RTN4RL1: variants seen among roughly 807,000 people sequenced by gnomAD.
The protein encoded by RTN4RL1 is reticulon 4 receptor like 1, also known as reticulon-4 receptor-like 1.
In RTN4RL1, 7 loss-of-function variants were observed where a neutral mutation model predicts 25.6. That is an observed-to-expected ratio of 0.27 (90% CI 0.16 to 0.51). RTN4RL1 has a LOEUF of 0.51. Ranked by LOEUF, RTN4RL1 falls within the 20% of genes least tolerant of loss-of-function variation. RTN4RL1 has a pLI of 0.97. For synonymous variants in RTN4RL1, 297 were observed against 288.2 expected, an observed-to-expected ratio of 1.03 and a Z score of -0.31; for missense variants, 500 against 615.6, an observed-to-expected ratio of 0.81 and a Z score of 1.99.
At chr17:1,999,097 C>CACAA (rs1390098701) in intron 1 of RTN4RL1, among the ~76,000 whole-genome samples, 1 of 147,688 alleles carries the variant, frequency 6.8e-6, no homozygotes, top group Non-Finnish European at 1.5e-5. Context: ...TGCGCGATCA[C>CACAA]ACACACACAC....
intron 1 of RTN4RL1, among the ~76,000 whole-genome samples, chr17:1,974,108 C>T (rs184477124): frequency 5.9e-5 from 9 of 151,328 alleles, no homozygotes; most frequent in Admixed American, 5.9e-4. Flanking sequence ...TCACTACCAC[C>T]ACACATGGAA....
At chr17:1,993,205 G>A (rs1449613732) in intron 1 of RTN4RL1, among the ~76,000 whole-genome samples, 1 of 152,080 alleles carries the variant, frequency 6.6e-6, no homozygotes, top group East Asian at 1.9e-4. Flanking sequence ...CTGAGATCGC[G>A]CCACCGCACT....
intron 1 of RTN4RL1, among the ~76,000 whole-genome samples, chr17:2,021,504 T>A (rs140177472): frequency 9.9e-5 from 15 of 151,836 alleles, no homozygotes; most frequent in Non-Finnish European, 1.8e-4. Flanking sequence ...GGGCTCTGCA[T>A]ATTATAGGCA....
chr17:1,960,533 C>T (rs1199207540), intron 1 of RTN4RL1, among the ~76,000 whole-genome samples: 1 of 152,148 alleles, frequency 6.6e-6, no homozygotes, highest in African/African-American at 2.4e-5. Flanking sequence ...GCCTTGGAGG[C>T]TTTGTTTTCT....
At chr17:1,963,407 G>T (rs147293417) in intron 1 of RTN4RL1, among the ~76,000 whole-genome samples, 189 of 152,360 alleles carry the variant, frequency 1.2e-3, no homozygotes, top group African/African-American at 4.3e-3. Context: ...TGTGGGCGAG[G>T]TAGGAGCCAT....
chr17:1,935,518 C>A lies in RTN4RL1; in HGVS notation c.*978G>T, dbSNP rs1915277080. On this transcript the variant is annotated 3_prime_UTR_variant, in exon 2 of 2. Transcript: ENST00000331238. Reference sequence around the variant, plus strand: ...CGTCCCGCCGACACCTTGCCCCAGGCCCTTGGCAAGGCCAGGTCCCTTGGA... The same window carrying A: ...CGTCCCGCCGACACCTTGCCCCAGGACCTTGGCAAGGCCAGGTCCCTTGGA... 1.5e-5 allele frequency: 15 copies of A among 985,164 alleles called. No individual in the cohort carries two copies. Among genetic ancestry groups the A allele is most frequent in the Non-Finnish European group, 1.7e-5 (14 of 829,444 alleles). 61.0% of individuals were successfully genotyped at this position (985,164 alleles called of 1,614,324 possible).
intron 1 of RTN4RL1, among the ~76,000 whole-genome samples, chr17:1,956,029 T>C (rs1213433298): frequency 2.0e-5 from 3 of 152,160 alleles, no homozygotes; most frequent in African/African-American, 4.8e-5. Flanking sequence ...TATGGAGCTA[T>C]ATAAAATTTA....
rs1049843718 is a variant in RTN4RL1, at chr17:1,937,228, G to T, written c.594C>A (p.Asn198Lys). 8 of 1,612,234 alleles carry T rather than the reference G, an allele frequency of 5.0e-6. No homozygotes were observed. The highest frequency in any genetic ancestry group is 1.3e-5 in the African/African-American group (1 of 75,054). The part of the protein sequence containing the change: ...LGPGTFRGLV[N>K]LDRLLLHENQ... Reference sequence around the variant, plus strand: ...TCTCGTGCAGCAAAAGACGGTCCAGGTTCACCAGGCCCCGGAAGGTGCCCG... The same window carrying T: ...TCTCGTGCAGCAAAAGACGGTCCAGTTTCACCAGGCCCCGGAAGGTGCCCG... Residue 198 changes from asparagine (N) to lysine (K), a missense_variant, in exon 2 of 2, where the codon AAC (asparagine) becomes AAA (lysine). Physicochemically the swap from Asn to Lys is moderately conservative, Grantham distance 94. Coordinates refer to ENST00000331238, the MANE Select transcript of RTN4RL1 (RefSeq NM_178568.4).
intron 1 of RTN4RL1, among the ~76,000 whole-genome samples, chr17:1,975,521 C>T (rs546186286): frequency 1.5e-4 from 23 of 152,070 alleles, no homozygotes; most frequent in African/African-American, 5.3e-4. Flanking sequence ...TGTGGTGGCG[C>T]GGACCTGTAA....
In RTN4RL1 at chr17:1,935,707, TTG is replaced by T. The variant is rs375908981; in HGVS notation, c.*787_*788del. 41 of 199,676 alleles carry T rather than the reference TTG, an allele frequency of 2.1e-4. No individual in the cohort carries two copies. The highest frequency in any genetic ancestry group is 1.6e-3 in the African/African-American group (39 of 24,148). The allele number at this position is 199,676 out of a possible 1,614,324, so 12.4% of individuals were successfully genotyped here. Reference sequence around the variant, plus strand: ...ACGGAGTGGGAGGGGGACTGTGCATTTGTGTATATATATATATATATATATAT... The same window carrying T: ...ACGGAGTGGGAGGGGGACTGTGCATTTGTATATATATATATATATATATAT... On this transcript the variant is annotated 3_prime_UTR_variant, in exon 2 of 2. Coordinates refer to ENST00000331238, the MANE Select transcript of RTN4RL1 (RefSeq NM_178568.4).
intron 1 of RTN4RL1, chr17:2,019,815 A>G (rs562228662): frequency 1.3e-5 from 2 of 152,236 alleles, no homozygotes; most frequent in African/African-American, 4.8e-5. Flanking sequence ...TAGAAAATGG[A>G]CCTGAACACT....
At chr17:2,022,936 G>A (rs1042355618) in intron 1 of RTN4RL1, among the ~76,000 whole-genome samples, 4 of 152,370 alleles carry the variant, frequency 2.6e-5, no homozygotes, top group Admixed American at 1.3e-4. Flanking sequence ...CCCCCACAGT[G>A]CACTGTGCTC....
chr17:1,944,273 T>C (rs908321185), intron 1 of RTN4RL1, among the ~76,000 whole-genome samples: 1 of 151,970 alleles, frequency 6.6e-6, no homozygotes, highest in Non-Finnish European at 1.5e-5. Context: ...ACCTGCAAAA[T>C]GGGGCAGTCA....
At chr17:1,997,637 G>C (rs981620238) in intron 1 of RTN4RL1, among the ~76,000 whole-genome samples, 4 of 152,324 alleles carry the variant, frequency 2.6e-5, no homozygotes, top group Non-Finnish European at 1.5e-5. Context: ...AGGAAATCGG[G>C]AGCACCACCA....
chr17:1,988,560 A>G (rs2066897072), intron 1 of RTN4RL1, among the ~76,000 whole-genome samples: 1 of 151,446 alleles, frequency 6.6e-6, no homozygotes, highest in Non-Finnish European at 1.5e-5. Flanking sequence ...GTCCTCAATG[A>G]TGGAACATCC....
chr17:1,981,575 C>T (rs1034147532), intron 1 of RTN4RL1, among the ~76,000 whole-genome samples: 3 of 152,180 alleles, frequency 2.0e-5, no homozygotes, highest in Non-Finnish European at 4.4e-5. Context: ...GTGGCTGCCT[C>T]GTGTGCAGAT....
intron 1 of RTN4RL1, among the ~76,000 whole-genome samples, chr17:1,986,176 T>C (rs1046531828): frequency 2.0e-5 from 3 of 152,120 alleles, no homozygotes; most frequent in African/African-American, 7.2e-5. Context: ...AGAGTCATAA[T>C]AACAATTAGC....
intron 1 of RTN4RL1, among the ~76,000 whole-genome samples, chr17:1,968,025 C>G (rs2066800437): frequency 6.6e-6 from 1 of 152,134 alleles, no homozygotes; most frequent in South Asian, 2.1e-4. Context: ...ACAACGCCCA[C>G]CCGGGACCAC....
Position 1,986,000 on chromosome 17 carries a change from A to T in RTN4RL1, c.13+38853T>A, listed in dbSNP as rs118098325. 9.3e-4 allele frequency among the ~76,000 whole-genome samples: 141 copies of T among 152,184 alleles called. 2 individuals carry two copies. The East Asian group carries it at 0.021, about 22-fold the overall frequency. On this transcript the variant is annotated intron_variant, in intron 1 of 1. Coordinates refer to ENST00000331238, the MANE Select transcript of RTN4RL1 (RefSeq NM_178568.4). Reference sequence around the variant, plus strand: ...GACAGTAGGATGGCCCCAGCTAAGCAACAAGCAGGAAGACACTTGCCTATA... The same window carrying T: ...GACAGTAGGATGGCCCCAGCTAAGCTACAAGCAGGAAGACACTTGCCTATA...
Sources: gnomAD v4.1 joint callset for allele counts (sites outside exome capture counted in the v4.1 genomes callset) on GRCh38, gnomAD v4.1.1 for gene constraint, MANE v1.5 for transcripts, NCBI Gene and HGNC (gene_info 2026-07-23, HGNC 2026-07-21) for gene names.